The following INSL6 variants were observed in gnomAD, a reference collection of about 807,000 sequenced individuals.
INSL6 encodes the protein insulin like 6, also known as insulin-like peptide INSL6.
In INSL6, 16 loss-of-function variants were observed where a neutral mutation model predicts 9.4. That is an observed-to-expected ratio of 1.70 (90% CI 1.15 to 2.59). The LOEUF is 2.59. Among genes scored for constraint, INSL6 ranks in the 30% most tolerant of loss-of-function variants. The pLI, the probability that INSL6 is intolerant of heterozygous loss-of-function variation, is 0.00. For missense variants in INSL6, 391 were observed against 257.3 expected (o/e 1.52, Z -3.56); for synonymous variants, 154 against 96.9 (o/e 1.59, Z -3.46).
the INSL6 span, chr9:5,072,570 C>T: frequency 3.1e-6 from 5 of 1,610,902 alleles, no homozygotes; most frequent in East Asian, 1.1e-4. Flanking sequence ...CGGTCAACTG[C>T]ATGAAACAGA....
the INSL6 span, among the ~76,000 whole-genome samples, chr9:5,076,486 C>A: frequency 3.3e-5 from 5 of 152,068 alleles, no homozygotes; most frequent in Non-Finnish European, 7.4e-5. Context: ...ATCATTAGCA[C>A]CTTTTTTGGC....
At chr9:5,143,414 G>T (rs181106433) in intron 2 of INSL6, among the ~76,000 whole-genome samples, 1 of 151,918 alleles carries the variant, frequency 6.6e-6, no homozygotes, top group Non-Finnish European at 1.5e-5. Context: ...GTTCAGTCTA[G>T]GGAGGGGGTA....
chr9:5,106,819 T>C, the INSL6 span, among the ~76,000 whole-genome samples: 457 of 152,276 alleles, frequency 3.0e-3, 3 homozygotes, highest in African/African-American at 0.01. Context: ...AAACACTGCA[T>C]GTTCTCACTC....
chr9:5,061,937 G>A, the INSL6 span, among the ~76,000 whole-genome samples: 432 of 152,262 alleles, frequency 2.8e-3, no homozygotes, highest in African/African-American at 0.01. Context: ...TTATTGTTGT[G>A]TCTGAGGGAA....
At chr9:5,050,952 C>G in the INSL6 span, 1 of 820,104 alleles carries the variant, frequency 1.2e-6, no homozygotes, top group Non-Finnish European at 1.9e-6. Context: ...TACTCCTTAT[C>G]TAAAATGCTT....
intron 3 of INSL6, among the ~76,000 whole-genome samples, chr9:5,129,733 A>G (rs1025606658): frequency 4.6e-5 from 7 of 152,170 alleles, no homozygotes; most frequent in East Asian, 3.8e-4. Flanking sequence ...TAAGCGTTTC[A>G]TAATTCTCAC....
chr9:5,028,928 G>A, the INSL6 span, among the ~76,000 whole-genome samples: 1 of 152,168 alleles, frequency 6.6e-6, no homozygotes. Context: ...CATCAATAAG[G>A]CTGTTTTGCT....
downstream of INSL6, among the ~76,000 whole-genome samples, chr9:5,163,375 T>C (rs1317262759): frequency 2.0e-5 from 3 of 152,212 alleles, no homozygotes; most frequent in African/African-American, 7.2e-5. Context: ...TTCACTAAAC[T>C]CTCTTTTAAG....
At chr9:5,135,231 C>G (rs1824368993) in intron 2 of INSL6, among the ~76,000 whole-genome samples, 1 of 152,062 alleles carries the variant, frequency 6.6e-6, no homozygotes, top group Non-Finnish European at 1.5e-5. Context: ...CACATAATAA[C>G]AGTGGGAGAC....
At chr9:5,010,191 C>T in the INSL6 span, among the ~76,000 whole-genome samples, 4 of 152,302 alleles carry the variant, frequency 2.6e-5, no homozygotes, top group East Asian at 5.8e-4. Flanking sequence ...TCTTATTTGT[C>T]GGAGCCGCCA....
At chr9:5,066,535 T>C in the INSL6 span, 1 of 543,414 alleles carries the variant, frequency 1.8e-6, no homozygotes, top group Non-Finnish European at 3.3e-6. Context: ...ATTTTTTCCT[T>C]TGAAAGATTA....
At chr9:5,002,031 A>G in the INSL6 span, among the ~76,000 whole-genome samples, 1 of 151,754 alleles carries the variant, frequency 6.6e-6, no homozygotes, top group Non-Finnish European at 1.5e-5. Flanking sequence ...CTTTTTTTAC[A>G]TCATATGGGG....
At chr9:5,060,842 C>G in the INSL6 span, among the ~76,000 whole-genome samples, 1 of 152,212 alleles carries the variant, frequency 6.6e-6, no homozygotes, top group African/African-American at 2.4e-5. Context: ...GAATCACTAT[C>G]TATGGCAGCT....
At chr9:5,080,274 A>C in the INSL6 span, 3 of 1,613,644 alleles carry the variant, frequency 1.9e-6, no homozygotes, top group East Asian at 6.7e-5. Flanking sequence ...TGCATTGAAA[A>C]TCCTAAAAAT....
chr9:5,093,754 C>A, the INSL6 span, among the ~76,000 whole-genome samples: 1 of 152,228 alleles, frequency 6.6e-6, no homozygotes, highest in African/African-American at 2.4e-5. Context: ...CAATCCTATT[C>A]TATCATATCA....
At chr9:5,037,184 G>C in the INSL6 span, among the ~76,000 whole-genome samples, 1,333 of 151,606 alleles carry the variant, frequency 8.8e-3, 8 homozygotes, top group Non-Finnish European at 0.015. Context: ...TTAGAATGGC[G>C]ATCATTAAAA....
At chr9:5,017,961 C>T in the INSL6 span, among the ~76,000 whole-genome samples, 1 of 152,124 alleles carries the variant, frequency 6.6e-6, no homozygotes, top group African/African-American at 2.4e-5. Flanking sequence ...CTTTTTCTAT[C>T]CCTTTACTTT....
At chr9:5,079,400 G>A in the INSL6 span, among the ~76,000 whole-genome samples, 22 of 152,030 alleles carry the variant, frequency 1.4e-4, no homozygotes, top group Admixed American at 1.2e-3. Flanking sequence ...GAGAAATTCC[G>A]TGATTTGAGC....
the INSL6 span, among the ~76,000 whole-genome samples, chr9:4,997,323 G>A: frequency 6.6e-6 from 1 of 152,184 alleles, no homozygotes; most frequent in African/African-American, 2.4e-5. Context: ...GGTTCTGCAG[G>A]CTTACAAGCA....
Sources: gnomAD v4.1 joint callset for allele counts (sites outside exome capture counted in the v4.1 genomes callset) on GRCh38, gnomAD v4.1.1 for gene constraint, MANE v1.5 for transcripts, NCBI Gene and HGNC (gene_info 2026-07-23, HGNC 2026-07-21) for gene names.